Variants in SLC11A2 observed in about 807,000 individuals in gnomAD.
SLC11A2 encodes the protein solute carrier family 11 member 2.
A neutral mutation model predicts 68.0 loss-of-function variants in SLC11A2; 38 were observed. The ratio of observed to expected loss-of-function variants is 0.56; its 90% CI spans 0.43 to 0.73. SLC11A2 has a LOEUF of 0.73. Among genes scored for constraint, SLC11A2 ranks in the 30% least tolerant of loss-of-function variants. The pLI, the probability that SLC11A2 is intolerant of heterozygous loss-of-function variation, is 0.00. For missense variants in SLC11A2, 517 were observed against 690.5 expected (o/e 0.75, Z 2.82); for synonymous variants, 242 against 250.6 (o/e 0.97, Z 0.32).
chr12:50,961,993 A>C, the SLC11A2 span, among the ~76,000 whole-genome samples: 2 of 152,210 alleles, frequency 1.3e-5, no homozygotes, highest in Non-Finnish European at 2.9e-5. Flanking sequence ...ACTGTTTAGA[A>C]ATATGACTCA....
chr12:50,970,435 T>C, the SLC11A2 span: 3 of 1,415,168 alleles, frequency 2.1e-6, no homozygotes, highest in Non-Finnish European at 2.0e-6. Flanking sequence ...CATCCTTCTT[T>C]TTCTAGGTGT....
In SLC11A2 at chr12:50,992,480, C is replaced by G. The variant is rs1037652867; in HGVS notation, c.1198-141G>C. 4.1e-5 allele frequency: 33 copies of G among 798,028 alleles called. No homozygotes were observed. In the African/African-American group the frequency reaches 5.4e-4, roughly 13 times the overall value. The allele number at this position is 798,028 out of a possible 1,614,324, so 49.4% of individuals were successfully genotyped here. ...GCGCAGTGGCTCACGCCTGTAATCCCAGCACTTTGAGAGGCCAAGGCGGGT... is the reference window on the plus strand; with the variant it reads ...GCGCAGTGGCTCACGCCTGTAATCCGAGCACTTTGAGAGGCCAAGGCGGGT... On this transcript the variant is annotated intron_variant, in intron 12 of 15. Coordinates refer to ENST00000262052, the MANE Select transcript of SLC11A2 (RefSeq NM_000617.3).
intron 1 of SLC11A2, among the ~76,000 whole-genome samples, chr12:51,020,982 T>C (rs1944003215): frequency 6.6e-6 from 1 of 152,072 alleles, no homozygotes; most frequent in Admixed American, 6.6e-5. Context: ...TCCCAACTAC[T>C]CAGGAGGCTA....
In SLC11A2 at chr12:50,987,176, T is replaced by C. The variant is rs775291249; in HGVS notation, c.*1149A>G. 84 of 1,284,276 alleles carry C rather than the reference T, an allele frequency of 6.5e-5. 1 individual carries two copies. Among genetic ancestry groups the C allele is most frequent in the Admixed American group, 2.3e-4 (10 of 43,354 alleles). The allele number at this position is 1,284,276 out of a possible 1,614,324, so 79.6% of individuals were successfully genotyped here. On this transcript the variant is annotated 3_prime_UTR_variant, in exon 16 of 16. Coordinates refer to ENST00000262052, the MANE Select transcript of SLC11A2 (RefSeq NM_000617.3). ...CATCTGGTCTCAAGATTTTTCCCTC[T>C]GAGGAAACAGCTGTAGAGAGGTAGC...
chr12:51,027,386 G>A (rs2136454954), upstream of SLC11A2, among the ~76,000 whole-genome samples: 1 of 151,864 alleles, frequency 6.6e-6, no homozygotes, highest in East Asian at 1.9e-4. Context: ...CGCGCCCCCA[G>A]AGCCACATCA....
chr12:50,986,837 G>A lies in SLC11A2; in HGVS notation c.*1488C>T. On this transcript the variant is annotated 3_prime_UTR_variant, in exon 16 of 16. Coordinates refer to ENST00000262052, the MANE Select transcript of SLC11A2 (RefSeq NM_000617.3). ...TGCCTTATAAAAGACCATCCATCCAGTCTGCGCTTTTGACTGTGTGCAAGT... is the reference window on the plus strand; with the variant it reads ...TGCCTTATAAAAGACCATCCATCCAATCTGCGCTTTTGACTGTGTGCAAGT... 3.1e-6 allele frequency: 4 copies of A among 1,287,178 alleles called. No individual in the cohort carries two copies. The highest frequency in any genetic ancestry group is 1.2e-5 in the South Asian group (1 of 80,938). 79.7% of individuals were successfully genotyped at this position (1,287,178 alleles called of 1,614,324 possible).
intron 3 of SLC11A2, 165 bp downstream of exon 3, chr12:51,008,311 G>A: frequency 3.3e-6 from 2 of 600,416 alleles, no homozygotes; most frequent in Non-Finnish European, 6.0e-6. Flanking sequence ...GGGTGTGTGT[G>A]TGTGTGTGTG....
Position 50,987,795 on chromosome 12 carries a change from T to G in SLC11A2, c.*530A>C. On this transcript the variant is annotated 3_prime_UTR_variant, in exon 16 of 16. Transcript: ENST00000262052. The stretch of plus-strand genomic sequence containing the variant: ...ATCCTAAGCCTGATAGAGCTAGGTG[T>G]CTCTTCATTTTATATTTCATATGGA... 2 of 1,272,986 alleles carry G rather than the reference T, an allele frequency of 1.6e-6. No homozygotes were observed. The highest frequency in any genetic ancestry group is 2.0e-6 in the Non-Finnish European group (2 of 983,768). 78.9% of individuals were successfully genotyped at this position (1,272,986 alleles called of 1,614,324 possible). A position where few individuals can be genotyped will look rare whatever the true frequency, so the allele number is the denominator to read the frequency against.
At chr12:50,979,951 T>G (rs1474132694), downstream of SLC11A2, 1 of 454,080 alleles carries the variant, frequency 2.2e-6, no homozygotes. Context: ...GTGAGCTGGA[T>G]GCAGTGGCTC....
chr12:50,997,011 C>G (rs17216044), intron 8 of SLC11A2, 39 bp from the exon 9 acceptor site: 1 of 1,565,806 alleles, frequency 6.4e-7, no homozygotes, highest in African/African-American at 1.4e-5. Flanking sequence ...TTTACAGGAA[C>G]GTGAAACGGG....
At chr12:51,018,134 C>A (rs1943788234) in intron 1 of SLC11A2, among the ~76,000 whole-genome samples, 1 of 152,202 alleles carries the variant, frequency 6.6e-6, no homozygotes, top group Non-Finnish European at 1.5e-5. Flanking sequence ...GTGGTTCACA[C>A]CTGTAATCCC....
intron 1 of SLC11A2, chr12:51,024,837 T>C (rs1489880074): frequency 2.0e-5 from 3 of 152,148 alleles, no homozygotes; most frequent in Admixed American, 1.3e-4. Flanking sequence ...TAACAAGAAG[T>C]GCTGCCAGGC....
intron 9 of SLC11A2, among the ~76,000 whole-genome samples, chr12:50,996,412 T>TA (rs1941703986): frequency 6.6e-6 from 1 of 151,894 alleles, no homozygotes; most frequent in Non-Finnish European, 1.5e-5. Context: ...ACATCTCTAC[T>TA]AAAAATAGAA....
At chr12:50,968,376 A>C in the SLC11A2 span, among the ~76,000 whole-genome samples, 2 of 151,660 alleles carry the variant, frequency 1.3e-5, no homozygotes, top group African/African-American at 4.8e-5. Flanking sequence ...CTCCAGTTAC[A>C]CTGATTCTTT....
the SLC11A2 span, among the ~76,000 whole-genome samples, chr12:50,964,778 G>C: frequency 6.6e-6 from 1 of 152,238 alleles, no homozygotes; most frequent in Non-Finnish European, 1.5e-5. Context: ...CTGGATAGCA[G>C]AGTGACCACC....
downstream of SLC11A2, chr12:50,980,820 T>G (rs1020029640): frequency 6.6e-6 from 1 of 152,184 alleles, no homozygotes; most frequent in African/African-American, 2.4e-5. Flanking sequence ...TATACAAATA[T>G]TAGAAAGAAG....
At chr12:50,957,612 T>C in the SLC11A2 span, among the ~76,000 whole-genome samples, 4 of 150,998 alleles carry the variant, frequency 2.6e-5, no homozygotes, top group African/African-American at 9.7e-5. Flanking sequence ...CAACCAGGCA[T>C]GGTGGCTCAC....
rs952658417 is a variant in SLC11A2, at chr12:50,988,017, T to C, written c.*308A>G. Reference sequence around the variant, plus strand: ...ATATAGCCTGGTTAAGAATCATGCATATCCTTGTCTCTCCGAAGGATAAAC... The same window carrying C: ...ATATAGCCTGGTTAAGAATCATGCACATCCTTGTCTCTCCGAAGGATAAAC... On this transcript the variant is annotated 3_prime_UTR_variant, in exon 16 of 16. Coordinates refer to ENST00000262052, the MANE Select transcript of SLC11A2 (RefSeq NM_000617.3). 15 of 1,350,592 alleles carry C rather than the reference T, an allele frequency of 1.1e-5. No homozygotes were observed. In the African/African-American group the frequency reaches 1.9e-4, roughly 17 times the overall value. 83.7% of individuals were successfully genotyped at this position (1,350,592 alleles called of 1,614,324 possible).
chr12:51,001,460 T>C (rs1177890243), intron 5 of SLC11A2, among the ~76,000 whole-genome samples: 1 of 151,394 alleles, frequency 6.6e-6, no homozygotes, highest in Non-Finnish European at 1.5e-5. Flanking sequence ...CGGGGTGATG[T>C]AATAATATGT....
Sources: gnomAD v4.1 joint callset for allele counts (sites outside exome capture counted in the v4.1 genomes callset) on GRCh38, gnomAD v4.1.1 for gene constraint, MANE v1.5 for transcripts, NCBI Gene and HGNC (gene_info 2026-07-23, HGNC 2026-07-21) for gene names.